Variants in TIAM2 observed in about 807,000 individuals in gnomAD.
TIAM2 encodes rho guanine nucleotide exchange factor TIAM2.
A neutral mutation model predicts 152.9 loss-of-function variants in TIAM2; 80 were observed. The observed-to-expected ratio is 0.52, with a 90% CI of 0.44 to 0.63. The LOEUF is 0.63. Among genes scored for constraint, TIAM2 ranks in the 30% least tolerant of loss-of-function variants. The probability of loss-of-function intolerance (pLI) is 0.00; values close to 1 mark genes in which losing one functional copy is unlikely to be tolerated. For missense variants in TIAM2, 1,965 were observed against 2,120.1 expected (o/e 0.93, Z 1.44); for synonymous variants, 804 against 838.0 (o/e 0.96, Z 0.70).
At chr6:155,034,426 T>C (rs554949471) in intron 1 of TIAM2, among the ~76,000 whole-genome samples, 39 of 152,220 alleles carry the variant, frequency 2.6e-4, no homozygotes, top group African/African-American at 8.4e-4. Context: ...GGCTAATTTT[T>C]GTATTTTGAG....
chr6:155,127,340 C>T, intron 2 of TIAM2, 150 bp from the exon 3 acceptor site: 1 of 301,032 alleles, frequency 3.3e-6, no homozygotes, highest in Non-Finnish European at 6.5e-6. Flanking sequence ...TGATGAATCA[C>T]ACGGTTCACA....
chr6:155,213,842 T>A lies in TIAM2; in HGVS notation c.3168+2535T>A, dbSNP rs114531529. Among the ~76,000 whole-genome samples, 2,397 of 152,310 alleles carry A rather than the reference T, an allele frequency of 0.016. 58 individuals carry two copies. The highest frequency in any genetic ancestry group is 0.055 in the African/African-American group (2,283 of 41,562). On this transcript the variant is annotated intron_variant, in intron 15 of 26. Transcript: ENST00000682666. This position sits in a 1 kb window ranked among gnomAD's most constrained non-coding sequence, Gnocchi z 4.2. ...GCGCTGCCCTGAACGTGTCCACACA[T>A]GGCTGGGTTGCAGCAGTGCCTGGGC...
intron 26 of TIAM2, 109 bp downstream of exon 26, chr6:155,254,682 G>A (rs895824452): frequency 7.9e-6 from 11 of 1,396,932 alleles, no homozygotes; most frequent in Non-Finnish European, 9.8e-6. Context: ...AAGTCATCGA[G>A]GTACCTTTAT....
At position 155,115,235 on chromosome 6, in the gene TIAM2, TA is replaced by T. The variant is rs1443940824; in HGVS notation, c.-117-12254del. On this transcript the variant is annotated intron_variant, in intron 2 of 26. Transcript: ENST00000682666. The stretch of plus-strand genomic sequence containing the variant: ...ACAAAATAATTTAAAATTATTATTT[TA>T]TTTTTTAAAGAGACAACATCTTACT... Among the ~76,000 whole-genome samples the T allele has an allele frequency of 3.9e-5, 6 of 152,056 alleles. No individual in the cohort carries two copies. In the East Asian group the frequency reaches 1.2e-3, roughly 29 times the overall value.
intron 15 of TIAM2, among the ~76,000 whole-genome samples, chr6:155,238,338 A>C (rs1361191218): frequency 1.3e-5 from 2 of 152,206 alleles, no homozygotes; most frequent in Non-Finnish European, 2.9e-5. Context: ...AGTCTCTAGG[A>C]AGTTCCAAAC....
At chr6:155,038,845 T>A (rs895111019) in intron 1 of TIAM2, among the ~76,000 whole-genome samples, 1 of 151,364 alleles carries the variant, frequency 6.6e-6, no homozygotes, top group African/African-American at 2.4e-5. Flanking sequence ...GTTGAGAGGA[T>A]CCCTTGAGCC....
intron 1 of TIAM2, among the ~76,000 whole-genome samples, chr6:155,079,685 G>A (rs573725582): frequency 2.6e-5 from 4 of 152,300 alleles, no homozygotes; most frequent in South Asian, 4.1e-4. Flanking sequence ...AGTGGCTCAC[G>A]CCTGTAATCC....
rs1784043705 is a variant in TIAM2, at chr6:155,256,552, G to C, written c.4537G>C (p.Gly1513Arg). Residue 1513 changes from glycine to arginine, a missense_variant, in exon 27 of 27, where the codon GGA becomes CGA. Gly to Arg is a moderately radical substitution (Grantham distance 125). Coordinates refer to ENST00000682666, the MANE Select transcript of TIAM2 (RefSeq NM_012454.4). Reference protein sequence around the residue: ...SNEWTGETGKGTLLDSDEGSL... With the variant: ...SNEWTGETGKRTLLDSDEGSL... ...CGAGTGGACCGGTGAGACTGGCAAGGGAACCTTGCTGGACTCTGACGAGGG... is the reference window on the plus strand; with the variant it reads ...CGAGTGGACCGGTGAGACTGGCAAGCGAACCTTGCTGGACTCTGACGAGGG... 1.2e-6 allele frequency: 2 copies of C among 1,614,206 alleles called. No individual in the cohort carries two copies. The highest frequency in any genetic ancestry group is 1.7e-6 in the Non-Finnish European group (2 of 1,180,040).
chr6:155,008,638 C>T (rs1204396475), intron 1 of TIAM2, among the ~76,000 whole-genome samples: 4 of 152,050 alleles, frequency 2.6e-5, no homozygotes, highest in East Asian at 3.9e-4. Flanking sequence ...AGGGCTACCC[C>T]GCAGGCAGTG....
At chr6:155,189,199 T>C (rs982345971) in intron 14 of TIAM2, among the ~76,000 whole-genome samples, 1 of 152,244 alleles carries the variant, frequency 6.6e-6, no homozygotes, top group Admixed American at 6.5e-5. Context: ...GAGGGCATTT[T>C]GGCTTCCATA....
At chr6:155,204,219 T>G (rs147286818) in intron 14 of TIAM2, among the ~76,000 whole-genome samples, 24 of 152,316 alleles carry the variant, frequency 1.6e-4, no homozygotes, top group African/African-American at 5.3e-4. Context: ...TATAGGTACT[T>G]GGAATTTTCT....
chr6:155,244,317 AAG>A (rs1454595210), intron 17 of TIAM2, among the ~76,000 whole-genome samples: 16 of 152,356 alleles, frequency 1.1e-4, no homozygotes, highest in African/African-American at 3.8e-4. Context: ...TTTGAGGTAG[AAG>A]AGAGTGTGAT....
intron 2 of TIAM2, among the ~76,000 whole-genome samples, chr6:155,125,440 A>G (rs899422022): frequency 6.6e-6 from 1 of 152,240 alleles, no homozygotes; most frequent in African/African-American, 2.4e-5. Context: ...ACAGAAAATA[A>G]CAAGCATGGG....
chr6:155,179,336 TA>T, intron 11 of TIAM2, 41 bp from the exon 12 acceptor site: 1 of 1,596,502 alleles, frequency 6.3e-7, no homozygotes, highest in Non-Finnish European at 8.6e-7. Context: ...TGAGGTATCA[TA>T]ACATGAGATC....
At chr6:155,244,972 C>A in intron 18 of TIAM2, 189 bp downstream of exon 18, 2 of 667,866 alleles carry the variant, frequency 3.0e-6, no homozygotes, top group Non-Finnish European at 4.4e-6. Context: ...TTTTTTTTTC[C>A]TGGCGCAGGT....
chr6:155,225,634 A>G (rs1327353903), intron 15 of TIAM2, among the ~76,000 whole-genome samples: 2 of 152,096 alleles, frequency 1.3e-5, no homozygotes, highest in African/African-American at 2.4e-5. Flanking sequence ...CCATGTATTT[A>G]TTGATTTCTA....
chr6:155,033,968 CA>C (rs1776872153), intron 1 of TIAM2, among the ~76,000 whole-genome samples: 1 of 151,948 alleles, frequency 6.6e-6, no homozygotes, highest in African/African-American at 2.4e-5. Context: ...CTGCCCACCT[CA>C]GCCTCCCAAA....
At chr6:155,206,092 G>A (rs911605435) in intron 14 of TIAM2, among the ~76,000 whole-genome samples, 4 of 152,156 alleles carry the variant, frequency 2.6e-5, no homozygotes, top group South Asian at 2.1e-4. Flanking sequence ...AGGTACTGAC[G>A]CACAGTTCAG....
intron 15 of TIAM2, among the ~76,000 whole-genome samples, chr6:155,238,040 C>T (rs1430546117): frequency 6.6e-6 from 1 of 152,222 alleles, no homozygotes; most frequent in East Asian, 1.9e-4. Context: ...AAGTTTTATG[C>T]TCTGCCTCCT....
Sources: allele counts gnomAD v4.1 joint callset (sites outside exome capture counted in the v4.1 genomes callset), GRCh38; gene constraint gnomAD v4.1.1; non-coding constraint Gnocchi (gnomAD v3.1); transcripts MANE v1.5; gene names NCBI Gene and HGNC (gene_info 2026-07-23, HGNC 2026-07-21).